Variants in CAMTA1 observed in about 807,000 individuals in gnomAD.
CAMTA1 encodes calmodulin-binding transcription activator 1.
A neutral mutation model predicts 170.9 loss-of-function variants in CAMTA1; 27 were observed. The ratio of observed to expected loss-of-function variants is 0.16; its 90% CI spans 0.12 to 0.22. The LOEUF is 0.22. Among genes scored for constraint, CAMTA1 ranks in the 10% least tolerant of loss-of-function variants. CAMTA1 has a pLI of 1.00. For synonymous variants in CAMTA1, 833 were observed against 891.5 expected (o/e 0.93, Z 1.17); for missense variants, 1,619 against 2,217.2 (o/e 0.73, Z 5.42).
At chr1:7,618,844 G>A (rs2150747846) in intron 6 of CAMTA1, among the ~76,000 whole-genome samples, 1 of 152,180 alleles carries the variant, frequency 6.6e-6, no homozygotes, top group South Asian at 2.1e-4. Flanking sequence ...GCAAATGCCA[G>A]TTTGAAGGCT....
chr1:7,705,591 G>A (rs1415836932), intron 11 of CAMTA1, among the ~76,000 whole-genome samples: 2 of 151,722 alleles, frequency 1.3e-5, no homozygotes, highest in Non-Finnish European at 2.9e-5. Flanking sequence ...TGGGGCGCTC[G>A]GCTTCTCCTC....
intron 5 of CAMTA1, among the ~76,000 whole-genome samples, chr1:7,291,024 T>A (rs1673059861): frequency 6.6e-6 from 1 of 152,146 alleles, no homozygotes; most frequent in Non-Finnish European, 1.5e-5. Flanking sequence ...TTGTGTGGGA[T>A]GAAACATGCT....
chr1:6,938,212 G>A (rs1380108050), intron 3 of CAMTA1, among the ~76,000 whole-genome samples: 2 of 152,224 alleles, frequency 1.3e-5, no homozygotes, highest in Admixed American at 1.3e-4. Flanking sequence ...AATGTTTGAG[G>A]ATGCAATAAT....
intron 11 of CAMTA1, among the ~76,000 whole-genome samples, chr1:7,678,643 G>C (rs6692604): frequency 6.6e-6 from 1 of 152,210 alleles, no homozygotes; most frequent in African/African-American, 2.4e-5. Context: ...CAGTACACTG[G>C]GGATGCGGTA....
At chr1:7,689,945 G>A (rs1489723621) in intron 11 of CAMTA1, among the ~76,000 whole-genome samples, 1 of 152,144 alleles carries the variant, frequency 6.6e-6, no homozygotes, top group Non-Finnish European at 1.5e-5. Context: ...ATCACCTGAG[G>A]TCAGGAGTTC....
rs1673583275 is a variant in CAMTA1 at position 6,887,597 on chromosome 1, G to A, written c.234+62387G>A. The stretch of plus-strand genomic sequence containing the variant: ...TGGAAATGGGGCAAATTTTTCTTCA[G>A]TTAAAAACAGAAATAGAAGCGACGG... On this transcript the variant is annotated intron_variant, in intron 3 of 22. Coordinates refer to ENST00000303635, the MANE Select transcript of CAMTA1 (RefSeq NM_015215.4). This position sits in a 1 kb window ranked among gnomAD's most constrained non-coding sequence, Gnocchi z 4.1. 2.0e-6 allele frequency: 3 copies of A among 1,520,150 alleles called. No individual in the cohort carries two copies. The highest frequency in any genetic ancestry group is 2.0e-5 in the Admixed American group (1 of 49,358). The allele number at this position is 1,520,150 out of a possible 1,614,324, so 94.2% of individuals were successfully genotyped here. A position where few individuals can be genotyped will look rare whatever the true frequency, so the allele number is the denominator to read the frequency against.
At chr1:7,521,027 A>C (rs994703568) in intron 6 of CAMTA1, among the ~76,000 whole-genome samples, 11 of 152,174 alleles carry the variant, frequency 7.2e-5, no homozygotes, top group African/African-American at 2.7e-4. Context: ...ATTGCTTGTG[A>C]TGAAACTCTT....
At chr1:7,296,049 A>G (rs911550794) in intron 5 of CAMTA1, among the ~76,000 whole-genome samples, 1 of 152,208 alleles carries the variant, frequency 6.6e-6, no homozygotes, top group African/African-American at 2.4e-5. Context: ...GGGAGGATAC[A>G]GTTTCTCATG....
intron 4 of CAMTA1, among the ~76,000 whole-genome samples, chr1:7,164,844 G>A (rs1038106770): frequency 2.0e-5 from 3 of 152,184 alleles, no homozygotes; most frequent in Admixed American, 2.0e-4. Flanking sequence ...CCAAGAGAAT[G>A]ATGCAGACAA....
chr1:7,737,234 C>G (rs758643314), intron 14 of CAMTA1, 21 bp from the exon 15 acceptor site: 3 of 1,605,128 alleles, frequency 1.9e-6, no homozygotes, highest in Non-Finnish European at 1.7e-6. Flanking sequence ...AGAACGCTTG[C>G]TGTGTCTCCC....
intron 7 of CAMTA1, among the ~76,000 whole-genome samples, chr1:7,660,256 C>A (rs183030947): frequency 8.5e-4 from 130 of 152,262 alleles, no homozygotes; most frequent in African/African-American, 2.9e-3. Flanking sequence ...TTGGTAGAGA[C>A]GGGTTTCACC....
At chr1:7,383,005 C>T (rs1296746857) in intron 5 of CAMTA1, among the ~76,000 whole-genome samples, 1 of 152,194 alleles carries the variant, frequency 6.6e-6, no homozygotes, top group Non-Finnish European at 1.5e-5. Context: ...CTGTGCTAAA[C>T]ACTGGGAATA....
At chr1:7,182,890 A>G (rs897778812) in intron 4 of CAMTA1, among the ~76,000 whole-genome samples, 2 of 152,246 alleles carry the variant, frequency 1.3e-5, no homozygotes, top group African/African-American at 2.4e-5. Flanking sequence ...TGTCATTTTT[A>G]ATCTGTCAGA....
At chr1:6,820,865 GGAGA>G (rs1378545867) in intron 2 of CAMTA1, among the ~76,000 whole-genome samples, 4 of 152,226 alleles carry the variant, frequency 2.6e-5, no homozygotes, top group African/African-American at 9.6e-5. Context: ...AAGTAGAGGA[GGAGA>G]GAATGTCCCA....
At chr1:7,469,027 A>G (rs732400) in intron 6 of CAMTA1, among the ~76,000 whole-genome samples, 3,934 of 152,268 alleles carry the variant, frequency 0.026, 96 homozygotes, top group East Asian at 0.1. Flanking sequence ...CCCTCTATCC[A>G]TCGGCTCTGC....
chr1:7,147,792 T>C (rs547033169), intron 4 of CAMTA1, among the ~76,000 whole-genome samples: 1 of 119,760 alleles, frequency 8.4e-6, no homozygotes, highest in East Asian at 2.6e-4. Flanking sequence ...CTCAAACATA[T>C]ACCATGCACA....
intron 11 of CAMTA1, among the ~76,000 whole-genome samples, chr1:7,730,928 C>CTCTCTCTCTCTCTA (rs1478235304): frequency 4.4e-5 from 5 of 114,196 alleles, no homozygotes; most frequent in African/African-American, 1.6e-4. Flanking sequence ...CTCTCTCTCT[C>CTCTCTCTCTCTCTA]TATATATATA....
chr1:7,045,302 C>T (rs529641959), intron 3 of CAMTA1, among the ~76,000 whole-genome samples: 3 of 152,302 alleles, frequency 2.0e-5, no homozygotes, highest in African/African-American at 4.8e-5. Context: ...TGAGACCAAC[C>T]TCTCCTGGAA....
At chr1:7,033,588 C>CTTT (rs34282545) in intron 3 of CAMTA1, among the ~76,000 whole-genome samples, 1,498 of 95,108 alleles carry the variant, frequency 0.016, 150 homozygotes, top group African/African-American at 0.054. Context: ...TGTAAATATT[C>CTTT]TTTTTTTTTT....
Sources: gnomAD v4.1 joint callset for allele counts (sites outside exome capture counted in the v4.1 genomes callset) on GRCh38, gnomAD v4.1.1 for gene constraint, Gnocchi (gnomAD v3.1) non-coding constraint, MANE v1.5 for transcripts, NCBI Gene and HGNC (gene_info 2026-07-23, HGNC 2026-07-21) for gene names.